Variants in GAN observed in about 807,000 individuals in gnomAD.
GAN encodes the protein epididymis secretory sperm binding protein.
GAN carries 48 observed loss-of-function variants against 71.3 expected under a neutral mutation model. That is an observed-to-expected ratio of 0.67 (90% confidence interval 0.53 to 0.86). The LOEUF is 0.86. Ranked by LOEUF, GAN falls within the 40% of genes least tolerant of loss-of-function variation. GAN has a pLI of 0.00. For missense variants in GAN, 928 were observed against 770.1 expected, an observed-to-expected ratio of 1.21 and a Z score of -2.43; for synonymous variants, 386 against 276.8, an observed-to-expected ratio of 1.39 and a Z score of -3.92.
intron 1 of GAN, among the ~76,000 whole-genome samples, chr16:81,328,867 G>C (rs1597390629): frequency 6.6e-6 from 1 of 152,192 alleles, no homozygotes; most frequent in East Asian, 1.9e-4. Flanking sequence ...AGCCACATGT[G>C]GTCTTGGTCA....
chr16:81,332,834 C>G (rs763630322), intron 1 of GAN, among the ~76,000 whole-genome samples: 1 of 152,166 alleles, frequency 6.6e-6, no homozygotes. Context: ...TTGGCAAGAA[C>G]CCCATGGAAG....
intron 1 of GAN, among the ~76,000 whole-genome samples, chr16:81,317,336 C>A (rs1909077756): frequency 6.6e-6 from 1 of 152,230 alleles, no homozygotes; most frequent in Non-Finnish European, 1.5e-5. Flanking sequence ...GAGAAACGCA[C>A]TGGATTCAGA....
intron 1 of GAN, among the ~76,000 whole-genome samples, chr16:81,327,827 C>T (rs567671107): frequency 6.6e-6 from 1 of 152,330 alleles, no homozygotes; most frequent in African/African-American, 2.4e-5. Flanking sequence ...TTGAGATGCT[C>T]ATTTGCATGG....
chr16:81,344,943 G>T (rs1454571989), intron 1 of GAN, among the ~76,000 whole-genome samples: 1 of 152,066 alleles, frequency 6.6e-6, no homozygotes, highest in Non-Finnish European at 1.5e-5. Context: ...ATGGGCAAAG[G>T]ATATGAACAG....
rs1455866017 is a variant in GAN, at chr16:81,379,047, T to C, written c.*1451T>C. 1.3e-5 allele frequency: 2 copies of C among 152,162 alleles called. No homozygotes were observed. The highest frequency in any genetic ancestry group is 1.3e-4 in the Admixed American group (2 of 15,270). The allele number at this position is 152,162 out of a possible 1,614,324, so 9.4% of individuals were successfully genotyped here. A position where few individuals can be genotyped will look rare whatever the true frequency, so the allele number is the denominator to read the frequency against. ...ATTGTTTTCTAAAAAAAAGGTTTTT[T>C]TTTTCCTTTTGGAATATGGCTGTAA... On this transcript the variant is annotated 3_prime_UTR_variant, in exon 11 of 11. Coordinates refer to ENST00000648994, the MANE Select transcript of GAN (RefSeq NM_022041.4).
At position 81,365,450 on chromosome 16, in the gene GAN, T is replaced by G. The variant is rs1597407371; in HGVS notation, c.1474T>G (p.Ser492Ala). The G allele has an allele frequency of 1.9e-6, 3 of 1,613,564 alleles. No individual in the cohort carries two copies. Among genetic ancestry groups the G allele is most frequent in the Non-Finnish European group, 2.5e-6 (3 of 1,179,900 alleles). ...AQGSEMVTCKSEFYHDEFKRW... is the reference protein window; with the variant it reads ...AQGSEMVTCKAEFYHDEFKRW... ...GGGTAGCGAGATGGTAACTTGCAAG[T>G]CCGAGTTCTACCATGATGAGTTTAA... is the stretch of plus-strand genomic sequence containing the variant. Residue 492 changes from serine (S) to alanine (A), a missense_variant, in exon 9 of 11, where the codon TCC becomes GCC. Ser to Ala is a moderately conservative substitution (Grantham distance 99, BLOSUM62 1). Coordinates refer to ENST00000648994, the MANE Select transcript of GAN (RefSeq NM_022041.4).
Position 81,321,397 on chromosome 16 carries a change from C to T in GAN, c.167+6117C>T, listed in dbSNP as rs143476280. ...ACCTATACTGTTTTTACTTCTGCCT[C>T]TTCTTATAGTTTGCATTTTCTCCTG... is the stretch of plus-strand genomic sequence containing the variant. On this transcript the variant is annotated intron_variant, in intron 1 of 10. Transcript: ENST00000648994. Among the ~76,000 whole-genome samples the T allele has an allele frequency of 1.6e-4, 25 of 152,290 alleles. No homozygotes were observed. The East Asian group carries it at 4.6e-3, about 28-fold the overall frequency.
At position 81,356,832 on chromosome 16, in the gene GAN, C is replaced by G. The variant is rs1910501900; in HGVS notation, c.681C>G (p.Asp227Glu). The G allele has an allele frequency of 6.2e-7, 1 of 1,613,866 alleles. No individual in the cohort carries two copies. The highest frequency in any genetic ancestry group is 8.5e-7 in the Non-Finnish European group (1 of 1,179,746). Reference protein sequence around the residue: ...VMSALWVSGLDSSYLREQMLN... With the variant: ...VMSALWVSGLESSYLREQMLN... ...CAGCTCTGTGGGTTTCAGGGTTGGA[C>G]TCCAGTTATTTACGGGAACAGATGC... The change falls in exon 4 of 11, where the codon GAC (aspartate) becomes GAG (glutamate). Residue 227 changes from aspartate to glutamate, a missense_variant. Asp to Glu is a conservative substitution (Grantham distance 45). Transcript: ENST00000648994.
rs573031570 is a variant in GAN at position 81,375,911 on chromosome 16, A to G, written c.1503-1308A>G. ...CTAGAGTCCAAGAGGTTGAGACTGC[A>G]GTGAGCTGTGATTGCACCACTGCAC... On this transcript the variant is annotated intron_variant, in intron 9 of 10. Transcript: ENST00000648994. Among the ~76,000 whole-genome samples the G allele has an allele frequency of 1.3e-4, 19 of 151,152 alleles. No individual in the cohort carries two copies. In the South Asian group the frequency reaches 4.0e-3, roughly 32 times the overall value.
At chr16:81,360,039 A>C (rs1723307182) in intron 5 of GAN, among the ~76,000 whole-genome samples, 1 of 134,866 alleles carries the variant, frequency 7.4e-6, no homozygotes, top group Non-Finnish European at 1.6e-5. Context: ...GGATGGATGG[A>C]TGGATGGATG....
chr16:81,375,828 G>A (rs906615380), intron 9 of GAN, among the ~76,000 whole-genome samples: 7 of 151,880 alleles, frequency 4.6e-5, no homozygotes, highest in Non-Finnish European at 1.0e-4. Context: ...TCATTAGCTG[G>A]GTGTGGTGGT....
At chr16:81,326,825 T>C (rs1255747554) in intron 1 of GAN, among the ~76,000 whole-genome samples, 1 of 152,172 alleles carries the variant, frequency 6.6e-6, no homozygotes, top group Non-Finnish European at 1.5e-5. Context: ...AGCAAAAATA[T>C]GGCATGATAA....
chr16:81,385,198 A>G lies in GAN; in HGVS notation c.*7602A>G, dbSNP rs566481329. On this transcript the variant is annotated 3_prime_UTR_variant, in exon 11 of 11. Transcript: ENST00000648994. ...TGACAAAGCTTCTCCTCCAATGACA[A>G]TCTGTTAGCACCCTGTTGACTTAGC... 6.6e-6 allele frequency: 1 copy of G among 152,310 alleles called. No individual in the cohort carries two copies. Among genetic ancestry groups the G allele is most frequent in the South Asian group, 2.1e-4 (1 of 4,824 alleles). 9.4% of individuals were successfully genotyped at this position (152,310 alleles called of 1,614,324 possible).
chr16:81,345,551 A>G (rs1910090982), intron 1 of GAN, among the ~76,000 whole-genome samples: 1 of 152,168 alleles, frequency 6.6e-6, no homozygotes, highest in South Asian at 2.1e-4. Context: ...AACAATGAGA[A>G]CACATGGACA....
At chr16:81,317,745 T>A (rs1909092658) in intron 1 of GAN, among the ~76,000 whole-genome samples, 1 of 152,282 alleles carries the variant, frequency 6.6e-6, no homozygotes, top group Non-Finnish European at 1.5e-5. Flanking sequence ...CACCGTTCTC[T>A]TTGTGTAAAC....
At chr16:81,362,145 T>G (rs1457298602) in intron 5 of GAN, among the ~76,000 whole-genome samples, 2 of 152,152 alleles carry the variant, frequency 1.3e-5, no homozygotes, top group Non-Finnish European at 2.9e-5. Flanking sequence ...AATGAACAGA[T>G]GTGCGCTGCG....
chr16:81,331,315 A>G (rs892199288), intron 1 of GAN, among the ~76,000 whole-genome samples: 1 of 152,240 alleles, frequency 6.6e-6, no homozygotes, highest in Non-Finnish European at 1.5e-5. Flanking sequence ...ACTGTCACTG[A>G]TTAGAGACAA....
intron 1 of GAN, among the ~76,000 whole-genome samples, chr16:81,341,963 A>G (rs1238781280): frequency 6.6e-6 from 1 of 152,214 alleles, no homozygotes; most frequent in Non-Finnish European, 1.5e-5. Flanking sequence ...TGGAAAGCAG[A>G]AGAAGCAGGG....
chr16:81,315,111 G>T lies in GAN; in HGVS notation c.-3G>T. The T allele has an allele frequency of 6.7e-7, 1 of 1,491,308 alleles. No individual in the cohort carries two copies. The highest frequency in any genetic ancestry group is 8.9e-7 in the Non-Finnish European group (1 of 1,117,338). 92.4% of individuals were successfully genotyped at this position (1,491,308 alleles called of 1,614,324 possible). A position where few individuals can be genotyped will look rare whatever the true frequency, so the allele number is the denominator to read the frequency against. On this transcript the variant is annotated 5_prime_UTR_variant, in exon 1 of 11. Transcript: ENST00000648994. ...ACCCGTCGGCAGAGGAGCGGGCGCC[G>T]CGATGGCTGAGGGCAGTGCCGTGTC... is the stretch of plus-strand genomic sequence containing the variant.
Sources: allele counts gnomAD v4.1 joint callset (sites outside exome capture counted in the v4.1 genomes callset), GRCh38; gene constraint gnomAD v4.1.1; transcripts MANE v1.5; gene names NCBI Gene and HGNC (gene_info 2026-07-23, HGNC 2026-07-21).